Variants in RBFOX1 observed in about 807,000 individuals in gnomAD.
The protein encoded by RBFOX1 is RNA binding protein fox-1 homolog 1.
Under a neutral mutation model 57.7 loss-of-function variants are expected in RBFOX1, and 8 were observed. The observed-to-expected ratio is 0.14, with a 90% CI of 0.08 to 0.25. RBFOX1 has a LOEUF of 0.25. RBFOX1 is among the 10% of genes least tolerant of loss of function. The probability of loss-of-function intolerance (pLI) is 1.00; values close to 1 mark genes in which losing one functional copy is unlikely to be tolerated. For synonymous variants in RBFOX1, 326 were observed against 222.4 expected (o/e 1.47, Z -4.15); for missense variants, 611 against 548.5 (o/e 1.11, Z -1.14).
chr16:6,500,165 A>G (rs2153173382), intron 2 of RBFOX1, among the ~76,000 whole-genome samples: 1 of 152,128 alleles, frequency 6.6e-6, no homozygotes, highest in South Asian at 2.1e-4. Flanking sequence ...AGTCACGCCA[A>G]CTCTTTTTAA....
rs1337962670 is a variant in RBFOX1 at position 7,711,502 on chromosome 16, C to G, written c.*757C>G. On this transcript the variant is annotated 3_prime_UTR_variant, in exon 16 of 16. Transcript: ENST00000550418. Reference sequence around the variant, plus strand: ...AACAAGCATTCTTTTTATATTTCTTCCAGTATAATAAATTATTGATATCAC... The same window carrying G: ...AACAAGCATTCTTTTTATATTTCTTGCAGTATAATAAATTATTGATATCAC... The G allele has an allele frequency of 6.6e-6, 1 of 152,332 alleles. No individual in the cohort carries two copies. The highest frequency in any genetic ancestry group is 2.4e-5 in the African/African-American group (1 of 41,352). The allele number at this position is 152,332 out of a possible 1,614,324, so 9.4% of individuals were successfully genotyped here.
intron 4 of RBFOX1, among the ~76,000 whole-genome samples, chr16:5,868,554 A>G (rs1262133063): frequency 6.6e-6 from 1 of 152,218 alleles, no homozygotes; most frequent in Non-Finnish European, 1.5e-5. Context: ...ATCATTATCC[A>G]CAAGTATCCA....
intron 2 of RBFOX1, among the ~76,000 whole-genome samples, chr16:6,600,213 A>G (rs17140707): frequency 0.04 from 6,041 of 152,170 alleles, 426 homozygotes; most frequent in African/African-American, 0.14. Flanking sequence ...CTTGAAATTA[A>G]TGGTGGTGCT....
chr16:7,518,038 C>G (rs543253735), intron 4 of RBFOX1, 109 bp from the exon 5 acceptor site: 19 of 1,383,204 alleles, frequency 1.4e-5, no homozygotes, highest in Admixed American at 1.3e-4. Context: ...ACCATGGTGA[C>G]CCCTAGAAAG....
chr16:5,942,379 A>C (rs1338869807), intron 4 of RBFOX1, among the ~76,000 whole-genome samples: 1 of 152,152 alleles, frequency 6.6e-6, no homozygotes, highest in Admixed American at 6.5e-5. Flanking sequence ...CTACAGGACT[A>C]GTTGAGTCAT....
intron 3 of RBFOX1, among the ~76,000 whole-genome samples, chr16:6,883,728 G>C (rs2063405308): frequency 6.6e-6 from 1 of 152,054 alleles, no homozygotes; most frequent in African/African-American, 2.4e-5. Context: ...AAGAATGATA[G>C]AGTCCAAAAG....
At chr16:6,028,238 T>C (rs1472774923) in intron 1 of RBFOX1, among the ~76,000 whole-genome samples, 1 of 152,074 alleles carries the variant, frequency 6.6e-6, no homozygotes, top group Non-Finnish European at 1.5e-5. Context: ...TTGCTGTTGA[T>C]TGCAAAGGCT....
chr16:6,366,014 G>A (rs372017138), intron 2 of RBFOX1, among the ~76,000 whole-genome samples: 11 of 150,654 alleles, frequency 7.3e-5, no homozygotes, highest in African/African-American at 2.7e-4. Context: ...AGAAATAGAA[G>A]CCACATTCTA....
At chr16:6,313,951 T>C (rs1196230761) in intron 1 of RBFOX1, among the ~76,000 whole-genome samples, 1 of 152,216 alleles carries the variant, frequency 6.6e-6, no homozygotes, top group African/African-American at 2.4e-5. Context: ...TCTCAGCCTC[T>C]GTTTTTATAA....
At chr16:5,441,530 A>C (rs2068084479) in intron 1 of RBFOX1, among the ~76,000 whole-genome samples, 2 of 152,062 alleles carry the variant, frequency 1.3e-5, no homozygotes, top group South Asian at 4.1e-4. Flanking sequence ...ATGCCTGGCT[A>C]ATTTTTGTAT....
intron 3 of RBFOX1, among the ~76,000 whole-genome samples, chr16:6,957,941 C>G (rs2082210908): frequency 6.6e-6 from 1 of 152,112 alleles, no homozygotes; most frequent in Admixed American, 6.6e-5. Flanking sequence ...CGAGAAGTCA[C>G]ACAGCATCAC....
At chr16:5,905,861 C>T (rs898532242) in intron 4 of RBFOX1, among the ~76,000 whole-genome samples, 15 of 152,194 alleles carry the variant, frequency 9.9e-5, no homozygotes, top group African/African-American at 1.4e-4. Context: ...ATGCCTCCTC[C>T]GGAAGCCTTC....
chr16:6,934,318 ATTTC>A (rs2077026224), intron 3 of RBFOX1, among the ~76,000 whole-genome samples: 1 of 152,062 alleles, frequency 6.6e-6, no homozygotes, highest in African/African-American at 2.4e-5. Flanking sequence ...GTTTTCCTTT[ATTTC>A]TTTTATCAAT....
intron 2 of RBFOX1, among the ~76,000 whole-genome samples, chr16:6,364,197 C>T (rs959062530): frequency 3.9e-5 from 6 of 152,174 alleles, no homozygotes; most frequent in East Asian, 1.9e-4. Context: ...TTTCAAATTG[C>T]ATGCTTCGAA....
chr16:6,137,231 A>G (rs1218910632), intron 1 of RBFOX1, among the ~76,000 whole-genome samples: 2 of 152,226 alleles, frequency 1.3e-5, no homozygotes, highest in Non-Finnish European at 2.9e-5. Flanking sequence ...GATATCTGCC[A>G]TTTATTGAAT....
chr16:7,563,657 C>T (rs973742504), intron 5 of RBFOX1, among the ~76,000 whole-genome samples: 3 of 151,938 alleles, frequency 2.0e-5, no homozygotes, highest in Non-Finnish European at 2.9e-5. Context: ...TTAGTAGAGA[C>T]GGGGGTTTCA....
intron 1 of RBFOX1, chr16:5,365,678 T>TA (rs1053819016): frequency 5.9e-5 from 20 of 336,994 alleles, no homozygotes; most frequent in East Asian, 2.6e-4. Flanking sequence ...AGTAAATAAG[T>TA]AAAAAAAATA....
At chr16:7,382,416 T>C (rs1454809534) in intron 4 of RBFOX1, among the ~76,000 whole-genome samples, 1 of 152,242 alleles carries the variant, frequency 6.6e-6, no homozygotes, top group Non-Finnish European at 1.5e-5. Flanking sequence ...ATCATTCACC[T>C]TGATTATGAC....
chr16:5,843,915 T>A (rs1054330319), intron 3 of RBFOX1, among the ~76,000 whole-genome samples: 4 of 152,196 alleles, frequency 2.6e-5, no homozygotes, highest in Non-Finnish European at 4.4e-5. Context: ...TTCTGGAGGT[T>A]GAATTTCAGA....
Sources: allele counts gnomAD v4.1 joint callset (sites outside exome capture counted in the v4.1 genomes callset), GRCh38; gene constraint gnomAD v4.1.1; transcripts MANE v1.5; gene names NCBI Gene and HGNC (gene_info 2026-07-23, HGNC 2026-07-21).